The following IL1RAP variants were observed in gnomAD, a reference collection of about 807,000 sequenced individuals.
IL1RAP encodes the protein interleukin-1 receptor accessory protein.
In IL1RAP, 35 loss-of-function variants were observed where a neutral mutation model predicts 60.7. That is an observed-to-expected ratio of 0.58 (90% CI 0.44 to 0.76). The LOEUF (loss-of-function observed/expected upper bound fraction) is 0.76, where lower values mean the gene tolerates loss of function less well. Among genes scored for constraint, IL1RAP ranks in the 30% least tolerant of loss-of-function variants. The pLI, the probability that IL1RAP is intolerant of heterozygous loss-of-function variation, is 0.00. For synonymous variants in IL1RAP, 268 were observed against 250.9 expected, an observed-to-expected ratio of 1.07 and a Z score of -0.64; for missense variants, 572 against 693.9, an observed-to-expected ratio of 0.82 and a Z score of 1.97.
At chr3:190,561,650 G>T (rs1387708911) in intron 2 of IL1RAP, among the ~76,000 whole-genome samples, 1 of 152,170 alleles carries the variant, frequency 6.6e-6, no homozygotes, top group Non-Finnish European at 1.5e-5. Context: ...ATTTGGGAGG[G>T]CGTATTGCTT....
At chr3:190,520,960 G>A (rs1560134390) in intron 1 of IL1RAP, among the ~76,000 whole-genome samples, 1 of 152,190 alleles carries the variant, frequency 6.6e-6, no homozygotes, top group African/African-American at 2.4e-5. Context: ...GGACATTGAT[G>A]TCAAACTGAT....
At chr3:190,584,138 C>T (rs1209274135) in intron 3 of IL1RAP, among the ~76,000 whole-genome samples, 3 of 152,174 alleles carry the variant, frequency 2.0e-5, no homozygotes, top group African/African-American at 7.2e-5. Context: ...TAGAATTGTA[C>T]TGGTCTGGCT....
rs753061690 is a variant in IL1RAP at position 190,645,651 on chromosome 3, A to G, written c.1202-48A>G. 2.1e-6 allele frequency: 3 copies of G among 1,445,850 alleles called. No individual in the cohort carries two copies. The Admixed American group carries it at 5.7e-5, about 27-fold the overall frequency. 89.6% of individuals were successfully genotyped at this position (1,445,850 alleles called of 1,614,324 possible). A position where few individuals can be genotyped will look rare whatever the true frequency, so the allele number is the denominator to read the frequency against. ...TTAGATTTAAGAAAAATGTAATGGT[A>G]TTGAGAAACTTTCCTAATTTACATT... On this transcript the variant is annotated intron_variant, in intron 10 of 11. Coordinates refer to ENST00000447382, the MANE Select transcript of IL1RAP (RefSeq NM_002182.4).
rs73198302 is a variant in IL1RAP, at chr3:190,576,383, T to C, written c.64+12030T>C. On this transcript the variant is annotated intron_variant, in intron 3 of 11. Coordinates refer to ENST00000447382, the MANE Select transcript of IL1RAP (RefSeq NM_002182.4). The stretch of plus-strand genomic sequence containing the variant: ...AATGCAAGGAGCTATTATATATATA[T>C]ACACACACACACACGCACATTTTAA... Among the ~76,000 whole-genome samples the C allele has an allele frequency of 6.3e-3, 953 of 151,402 alleles. 5 individuals carry two copies. The highest frequency in any genetic ancestry group is 9.3e-3 in the African/African-American group (385 of 41,298).
At chr3:190,522,710 G>A (rs1050190727) in intron 1 of IL1RAP, among the ~76,000 whole-genome samples, 3 of 152,128 alleles carry the variant, frequency 2.0e-5, no homozygotes, top group Non-Finnish European at 4.4e-5. Flanking sequence ...GATAGGAAAT[G>A]AATGTAATAT....
chr3:190,553,931 G>C (rs997227242), intron 1 of IL1RAP, among the ~76,000 whole-genome samples: 1 of 150,870 alleles, frequency 6.6e-6, no homozygotes, highest in African/African-American at 2.4e-5. Flanking sequence ...CGTAGTGGCG[G>C]GCGCCTGTAG....
chr3:190,620,352 A>T lies in IL1RAP; in HGVS notation c.615A>T (p.Ser205=), dbSNP rs1290897142. 1 of 1,607,054 alleles carries T rather than the reference A, an allele frequency of 6.2e-7. No individual in the cohort carries two copies. The highest frequency in any genetic ancestry group is 8.5e-7 in the Non-Finnish European group (1 of 1,174,096). Residue 205 remains serine, a synonymous_variant, in exon 6 of 12, where the codon TCA becomes TCT. Transcript: ENST00000447382. The stretch of plus-strand genomic sequence containing the variant: ...TGAGTTTCCTCATTGCCTTAATTTC[A>T]AATAATGGAAATTACACATGTGTTG... ...MNLSFLIALI[S]NNGNYTCVVT...
intron 7 of IL1RAP, among the ~76,000 whole-genome samples, chr3:190,625,807 C>T (rs908554116): frequency 1.3e-5 from 2 of 152,110 alleles, no homozygotes; most frequent in Non-Finnish European, 2.9e-5. Flanking sequence ...CATATGAATA[C>T]TCTTCCTGCT....
At chr3:190,616,437 C>A (rs1464932199) in intron 5 of IL1RAP, among the ~76,000 whole-genome samples, 1 of 151,504 alleles carries the variant, frequency 6.6e-6, no homozygotes, top group Non-Finnish European at 1.5e-5. Flanking sequence ...TTTTTTCTGG[C>A]AATTGTATAG....
intron 3 of IL1RAP, among the ~76,000 whole-genome samples, chr3:190,590,128 G>A (rs755568088): frequency 9.2e-5 from 14 of 152,076 alleles, no homozygotes; most frequent in African/African-American, 2.7e-4. Context: ...TGGCATTTTC[G>A]TGTATCATCT....
intron 1 of IL1RAP, among the ~76,000 whole-genome samples, chr3:190,551,923 T>C (rs9867947): frequency 0.51 from 77,177 of 151,946 alleles, 20,158 homozygotes; most frequent in Admixed American, 0.56. Context: ...TTTTAGAAAT[T>C]CCATACAATT....
At chr3:190,541,513 T>G (rs1723936432) in intron 1 of IL1RAP, among the ~76,000 whole-genome samples, 1 of 152,180 alleles carries the variant, frequency 6.6e-6, no homozygotes, top group African/African-American at 2.4e-5. Context: ...TTACTTTTTC[T>G]GAGTTTGACA....
intron 5 of IL1RAP, among the ~76,000 whole-genome samples, chr3:190,618,557 T>A (rs1577740783): frequency 6.6e-6 from 1 of 152,314 alleles, no homozygotes; most frequent in East Asian, 1.9e-4. Flanking sequence ...ATCTGTCTAC[T>A]TCACAGGAGT....
chr3:190,569,078 G>C (rs1401920381), intron 3 of IL1RAP, among the ~76,000 whole-genome samples: 1 of 152,178 alleles, frequency 6.6e-6, no homozygotes, highest in Non-Finnish European at 1.5e-5. Context: ...AAATAGTTCA[G>C]GGCAACTCAA....
downstream of IL1RAP, among the ~76,000 whole-genome samples, chr3:190,655,236 A>C (rs1193936018): frequency 6.6e-6 from 1 of 152,170 alleles, no homozygotes; most frequent in Non-Finnish European, 1.5e-5. Context: ...CCTGTTCATA[A>C]TACTACTCTT....
At chr3:190,575,577 A>G (rs1727366843) in intron 3 of IL1RAP, among the ~76,000 whole-genome samples, 1 of 152,188 alleles carries the variant, frequency 6.6e-6, no homozygotes, top group Non-Finnish European at 1.5e-5. Context: ...GTGGCATGAG[A>G]TGTAGGCCTT....
chr3:190,648,414 C>A lies in IL1RAP; in HGVS notation c.1422C>A (p.Leu474=), dbSNP rs1734188515. The stretch of plus-strand genomic sequence containing the variant: ...TTGTTCTAAGCCCCAACTACGTGCT[C>A]CAGGGAACCCAAGCCCTCCTGGAGC... ...LLVVLSPNYV[L]QGTQALLELK... is the part of the protein sequence containing the mutation. The change falls in exon 12 of 12, where the codon CTC becomes CTA. Residue 474 remains leucine, a synonymous_variant. Transcript: ENST00000447382. 6 of 1,614,038 alleles carry A rather than the reference C, an allele frequency of 3.7e-6. No homozygotes were observed. The East Asian group carries it at 1.3e-4, about 36-fold the overall frequency.
chr3:190,646,480 T>C (rs1000149641), intron 11 of IL1RAP, among the ~76,000 whole-genome samples: 1 of 152,186 alleles, frequency 6.6e-6, no homozygotes, highest in African/African-American at 2.4e-5. Context: ...AATTTTATAA[T>C]AGCCAGTGTA....
At chr3:190,572,598 A>G (rs1380475477) in intron 3 of IL1RAP, among the ~76,000 whole-genome samples, 1 of 152,166 alleles carries the variant, frequency 6.6e-6, no homozygotes, top group East Asian at 1.9e-4. Context: ...CAGATTACCA[A>G]AGAAGCTAAA....
Sources: gnomAD v4.1 joint callset for allele counts (sites outside exome capture counted in the v4.1 genomes callset) on GRCh38, gnomAD v4.1.1 for gene constraint, MANE v1.5 for transcripts, NCBI Gene and HGNC (gene_info 2026-07-23, HGNC 2026-07-21) for gene names.